The following SEPTIN9 variants were observed in gnomAD, a reference collection of about 807,000 sequenced individuals.
SEPTIN9 encodes the protein septin 9.
A neutral mutation model predicts 56.6 loss-of-function variants in SEPTIN9; 13 were observed. That is an observed-to-expected ratio of 0.23 (90% CI 0.15 to 0.37). The LOEUF (loss-of-function observed/expected upper bound fraction) is 0.37, where lower values mean the gene tolerates loss of function less well. Ranked by LOEUF, SEPTIN9 falls within the 10% of genes least tolerant of loss-of-function variation. The probability of loss-of-function intolerance (pLI) is 1.00; values close to 1 mark genes in which losing one functional copy is unlikely to be tolerated. For synonymous variants in SEPTIN9, 332 were observed against 334.1 expected (o/e 0.99, Z 0.07); for missense variants, 650 against 823.1 (o/e 0.79, Z 2.57).
intron 2 of SEPTIN9, among the ~76,000 whole-genome samples, chr17:77,342,388 T>C (rs1356604993): frequency 6.6e-6 from 1 of 152,232 alleles, no homozygotes; most frequent in East Asian, 1.9e-4. Context: ...GACTTTATGT[T>C]CGCCATCTCC....
chr17:77,401,630 C>T (rs2035903553), intron 2 of SEPTIN9, among the ~76,000 whole-genome samples: 1 of 151,992 alleles, frequency 6.6e-6, no homozygotes, highest in African/African-American at 2.4e-5. Flanking sequence ...CCTATAATCC[C>T]AGCTACTGGG....
Position 77,421,234 on chromosome 17 carries a change from G to T in SEPTIN9, c.721+18531G>T, listed in dbSNP as rs2144218442. ...AATGAAAGAAAACCCCAGTTAGAAGGTGTCCCCCTCTTCCTTCAGTCCCTC... is the reference window on the plus strand; with the variant it reads ...AATGAAAGAAAACCCCAGTTAGAAGTTGTCCCCCTCTTCCTTCAGTCCCTC... On this transcript the variant is annotated intron_variant, in intron 3 of 11. Transcript: ENST00000427177. This position sits in a 1 kb window ranked among gnomAD's most constrained non-coding sequence, Gnocchi z 4.6. Among the ~76,000 whole-genome samples the T allele has an allele frequency of 6.6e-6, 1 of 152,312 alleles. No individual in the cohort carries two copies. Among genetic ancestry groups the T allele is most frequent in the South Asian group, 2.1e-4 (1 of 4,822 alleles).
chr17:77,340,234 G>A (rs953593915), intron 2 of SEPTIN9, among the ~76,000 whole-genome samples: 6 of 150,656 alleles, frequency 4.0e-5, no homozygotes, highest in East Asian at 3.9e-4. Context: ...TCCGCCTCCT[G>A]GGCTCAAGCG....
rs553379692 is a variant in SEPTIN9 at position 77,471,904 on chromosome 17, G to A, written c.722-10240G>A. On this transcript the variant is annotated intron_variant, in intron 3 of 11. Transcript: ENST00000427177. ...CATTCCCTGACCCTCCCTCTGCAGT[G>A]GATCCACTTCAGAGCCTGAGACAAG... Among the ~76,000 whole-genome samples the A allele has an allele frequency of 2.6e-5, 4 of 152,238 alleles. No homozygotes were observed. In the South Asian group the frequency reaches 8.3e-4, roughly 32 times the overall value.
intron 2 of SEPTIN9, among the ~76,000 whole-genome samples, chr17:77,381,111 G>A (rs779845027): frequency 1.3e-5 from 2 of 152,306 alleles, no homozygotes; most frequent in African/African-American, 2.4e-5. Context: ...GGCAGGGCCT[G>A]GGGGTCCTGG....
At chr17:77,412,325 T>C (rs1421810526) in intron 3 of SEPTIN9, among the ~76,000 whole-genome samples, 1 of 152,188 alleles carries the variant, frequency 6.6e-6, no homozygotes, top group Non-Finnish European at 1.5e-5. Context: ...ATTGGTGTTT[T>C]ATTTTGTGCA....
intron 3 of SEPTIN9, chr17:77,446,174 C>T (rs1376573122): frequency 1.2e-5 from 2 of 167,136 alleles, no homozygotes; most frequent in African/African-American, 4.8e-5. Context: ...CTTTACAGTG[C>T]TAAGGGTCAG....
At chr17:77,424,583 G>A (rs2036829578) in intron 3 of SEPTIN9, among the ~76,000 whole-genome samples, 1 of 152,234 alleles carries the variant, frequency 6.6e-6, no homozygotes, top group African/African-American at 2.4e-5. Flanking sequence ...TCTCCTCCAG[G>A]ACTCTGTTCC....
chr17:77,496,332 G>T (rs1006970488), intron 10 of SEPTIN9: 8 of 152,132 alleles, frequency 5.3e-5, no homozygotes, highest in African/African-American at 1.9e-4. Flanking sequence ...CAGCGTCTAC[G>T]CCCCATTTTC....
chr17:77,309,773 A>G (rs941436754), intron 2 of SEPTIN9, among the ~76,000 whole-genome samples: 9 of 152,202 alleles, frequency 5.9e-5, no homozygotes, highest in Admixed American at 2.0e-4. Flanking sequence ...GAGCTACAAA[A>G]CAAAAATGTA....
chr17:77,436,239 A>G lies in SEPTIN9; in HGVS notation c.721+33536A>G, dbSNP rs371131793. ...GCTTTCCCAGGGAAAGGGCAGGAAC[A>G]GAGAGGCCTTATCTTCAGAGGAAGG... On this transcript the variant is annotated intron_variant, in intron 3 of 11. Transcript: ENST00000427177. This position sits in a 1 kb window ranked among gnomAD's most constrained non-coding sequence, Gnocchi z 4.4. 3.9e-5 allele frequency among the ~76,000 whole-genome samples: 6 copies of G among 152,248 alleles called. No individual in the cohort carries two copies. In the South Asian group the frequency reaches 8.3e-4, roughly 21 times the overall value.
chr17:77,482,560 C>G (rs1481044960), intron 4 of SEPTIN9: 1 of 696,608 alleles, frequency 1.4e-6, no homozygotes, highest in South Asian at 1.5e-5. Flanking sequence ...CATCCAGGGC[C>G]CCTGAGATGA....
chr17:77,373,200 G>C (rs2034779941), intron 2 of SEPTIN9: 14 of 1,092,666 alleles, frequency 1.3e-5, no homozygotes, highest in Non-Finnish European at 1.1e-6. Flanking sequence ...CCCCAGGCCT[G>C]GCCTTGACAG....
chr17:77,344,490 G>A (rs2033827944), intron 2 of SEPTIN9, among the ~76,000 whole-genome samples: 1 of 152,212 alleles, frequency 6.6e-6, no homozygotes, highest in African/African-American at 2.4e-5. Context: ...ATAACATCCA[G>A]TGATTCCACT....
At chr17:77,423,371 A>AT (rs1318748968) in intron 3 of SEPTIN9, among the ~76,000 whole-genome samples, 4 of 152,190 alleles carry the variant, frequency 2.6e-5, no homozygotes, top group African/African-American at 9.7e-5. Flanking sequence ...CTGTGGAAAC[A>AT]TTGAGTTCCC....
Position 77,435,661 on chromosome 17 carries a change from C to T in SEPTIN9, c.721+32958C>T, listed in dbSNP as rs312906. Among the ~76,000 whole-genome samples, 10,605 of 152,272 alleles carry T rather than the reference C, an allele frequency of 0.07. 1,165 individuals carry two copies. The highest frequency in any genetic ancestry group is 0.23 in the African/African-American group (9,668 of 41,514). Reference sequence around the variant, plus strand: ...GAATGAAGCAGCTAGGGGAGGCGGACGCTTTGGCACGAGGGTGGCGTTTCT... The same window carrying T: ...GAATGAAGCAGCTAGGGGAGGCGGATGCTTTGGCACGAGGGTGGCGTTTCT... On this transcript the variant is annotated intron_variant, in intron 3 of 11. Coordinates refer to ENST00000427177, the MANE Select transcript of SEPTIN9 (RefSeq NM_001113491.2). The surrounding 1 kb of genome is among the most constrained non-coding windows in gnomAD (Gnocchi z 4.5).
At chr17:77,356,097 G>A (rs2034228001) in intron 2 of SEPTIN9, among the ~76,000 whole-genome samples, 1 of 151,898 alleles carries the variant, frequency 6.6e-6, no homozygotes, top group Admixed American at 6.6e-5. Flanking sequence ...GGACATAAAC[G>A]CCAGGAGACC....
At chr17:77,373,478 C>CTCCG (rs1481149147) in intron 2 of SEPTIN9, 11 of 1,525,212 alleles carry the variant, frequency 7.2e-6, no homozygotes, top group South Asian at 2.5e-5. Context: ...CTCCGCGCGA[C>CTCCG]CCGCTGCCCA....
chr17:77,488,372 G>A, intron 6 of SEPTIN9, 51 bp downstream of exon 6: 1 of 1,515,750 alleles, frequency 6.6e-7, no homozygotes. Context: ...AGGGCTCCCT[G>A]GACCCCACCC....
Sources: gnomAD v4.1 joint callset for allele counts (sites outside exome capture counted in the v4.1 genomes callset) on GRCh38, gnomAD v4.1.1 for gene constraint, Gnocchi (gnomAD v3.1) non-coding constraint, MANE v1.5 for transcripts, NCBI Gene and HGNC (gene_info 2026-07-23, HGNC 2026-07-21) for gene names.